DCDC1: variants seen among roughly 807,000 people sequenced by gnomAD.
The protein encoded by DCDC1 is doublecortin domain-containing protein 1.
DCDC1 carries 200 observed loss-of-function variants against 178.3 expected under a neutral mutation model. That is an observed-to-expected ratio of 1.12 (90% CI 1.00 to 1.26). DCDC1 has a LOEUF of 1.26. Ranked by LOEUF, DCDC1 falls within the 50% of genes most tolerant of loss-of-function variation. The pLI, the probability that DCDC1 is intolerant of heterozygous loss-of-function variation, is 0.00. For missense variants in DCDC1, 1,983 were observed against 1,749.2 expected (o/e 1.13, Z -2.38); for synonymous variants, 690 against 604.8 (o/e 1.14, Z -2.07).
chr11:30,930,613 C>T (rs761595032), intron 22 of DCDC1, among the ~76,000 whole-genome samples: 2 of 152,116 alleles, frequency 1.3e-5, no homozygotes, highest in African/African-American at 4.8e-5. Flanking sequence ...CCAAATTTAC[C>T]ATTTCAATCT....
intron 18 of DCDC1, among the ~76,000 whole-genome samples, chr11:31,075,418 T>C (rs955275583): frequency 5.9e-5 from 9 of 152,174 alleles, no homozygotes; most frequent in Non-Finnish European, 1.0e-4. Context: ...AGTAGTGGGA[T>C]TGCCGGATGA....
intron 7 of DCDC1, among the ~76,000 whole-genome samples, chr11:31,272,363 CAT>C (rs1945631810): frequency 6.6e-6 from 1 of 152,140 alleles, no homozygotes; most frequent in South Asian, 2.1e-4. Context: ...TCCCAAATCT[CAT>C]GTCCTCACAT....
At chr11:31,175,746 C>T (rs149555311) in intron 9 of DCDC1, among the ~76,000 whole-genome samples, 24 of 152,284 alleles carry the variant, frequency 1.6e-4, no homozygotes, top group African/African-American at 5.5e-4. Flanking sequence ...TGTGCCACTG[C>T]CATTACAAAC....
At chr11:31,354,939 CT>C (rs1472692657) in intron 1 of DCDC1, among the ~76,000 whole-genome samples, 2 of 149,280 alleles carry the variant, frequency 1.3e-5, no homozygotes, top group Admixed American at 6.7e-5. Flanking sequence ...AACTTTTGAC[CT>C]TTTTTTCCCT....
At chr11:31,177,710 A>T (rs1300517098) in intron 9 of DCDC1, among the ~76,000 whole-genome samples, 1 of 152,200 alleles carries the variant, frequency 6.6e-6, no homozygotes, top group African/African-American at 2.4e-5. Context: ...AAACCAAAGC[A>T]GCAAGAGTAG....
chr11:31,315,265 A>G (rs1949008300), intron 3 of DCDC1, among the ~76,000 whole-genome samples: 1 of 149,288 alleles, frequency 6.7e-6, no homozygotes, highest in South Asian at 2.1e-4. Context: ...CCTCAGCTAT[A>G]ACTACACCAC....
At position 31,244,750 on chromosome 11, in the gene DCDC1, T is replaced by C. The variant is rs76480546; in HGVS notation, c.1055-3134A>G. On this transcript the variant is annotated intron_variant, in intron 8 of 38. Transcript: ENST00000684477. ...ACATCAGTCAAATGGAATCATTTCA[T>C]TGGGATCACTTCCACCCCTGGAAAG... Among the ~76,000 whole-genome samples, 527 of 151,894 alleles carry C rather than the reference T, an allele frequency of 3.5e-3. 2 individuals carry two copies. The highest frequency in any genetic ancestry group is 0.012 in the African/African-American group (485 of 41,530).
At chr11:31,221,661 T>A (rs1974286153) in intron 9 of DCDC1, among the ~76,000 whole-genome samples, 1 of 152,150 alleles carries the variant, frequency 6.6e-6, no homozygotes, top group Admixed American at 6.5e-5. Context: ...CATAACCCCA[T>A]CTCCATTCCT....
intron 22 of DCDC1, among the ~76,000 whole-genome samples, chr11:30,927,354 C>A (rs925246128): frequency 1.3e-5 from 2 of 150,370 alleles, no homozygotes; most frequent in East Asian, 3.9e-4. Flanking sequence ...TCCTTGAGAG[C>A]AAGCAATGCC....
At chr11:30,908,055 G>A (rs904138114) in intron 29 of DCDC1, among the ~76,000 whole-genome samples, 1 of 152,004 alleles carries the variant, frequency 6.6e-6, no homozygotes, top group Non-Finnish European at 1.5e-5. Flanking sequence ...GAAACAAGAG[G>A]GCAACATTAA....
intron 20 of DCDC1, among the ~76,000 whole-genome samples, chr11:30,968,203 G>A (rs181994495): frequency 1.7e-4 from 26 of 152,188 alleles, no homozygotes; most frequent in Admixed American, 5.9e-4. Flanking sequence ...TAGAAAGTAC[G>A]GCAGAGAACT....
chr11:31,193,900 T>C (rs910322193), intron 9 of DCDC1, among the ~76,000 whole-genome samples: 5 of 152,116 alleles, frequency 3.3e-5, no homozygotes, highest in Non-Finnish European at 5.9e-5. Flanking sequence ...AAAGTACTCA[T>C]GTCAATTCTT....
chr11:31,293,514 C>T (rs1591665249), intron 6 of DCDC1, among the ~76,000 whole-genome samples: 1 of 152,258 alleles, frequency 6.6e-6, no homozygotes, highest in African/African-American at 2.4e-5. Flanking sequence ...GCAGGGCCCT[C>T]ACAGAACCCT....
At chr11:31,007,075 G>T (rs1056471069) in intron 20 of DCDC1, among the ~76,000 whole-genome samples, 1 of 152,162 alleles carries the variant, frequency 6.6e-6, no homozygotes, top group Non-Finnish European at 1.5e-5. Flanking sequence ...AACTCAGTAA[G>T]GCTGGAGTCC....
intron 38 of DCDC1, among the ~76,000 whole-genome samples, chr11:30,867,344 AC>A (rs1015286807): frequency 1.3e-5 from 2 of 152,336 alleles, no homozygotes; most frequent in African/African-American, 4.8e-5. Flanking sequence ...AAGATATTTC[AC>A]TTCTTGAAAG....
intron 2 of DCDC1, among the ~76,000 whole-genome samples, chr11:31,334,328 C>T (rs986879163): frequency 2.6e-5 from 4 of 152,194 alleles, no homozygotes; most frequent in African/African-American, 9.7e-5. Flanking sequence ...TTCGAACATC[C>T]TCCTTTAGCT....
intron 6 of DCDC1, 70 bp from the exon 7 acceptor site, chr11:31,290,922 C>A: frequency 7.3e-7 from 1 of 1,371,526 alleles, no homozygotes; most frequent in East Asian, 2.3e-5. Context: ...TCATACTTCC[C>A]TCCCTCTATT....
Position 31,192,445 on chromosome 11 carries a change from C to A in DCDC1, c.1221+49005G>T, listed in dbSNP as rs542110273. Among the ~76,000 whole-genome samples the A allele has an allele frequency of 4.6e-5, 7 of 152,144 alleles. No homozygotes were observed. In the East Asian group the frequency reaches 1.4e-3, roughly 29 times the overall value. ...TATGTCAAGTCAGTATTTAGAAGTC[C>A]CCATATGCACCACTGCTCTACCAGT... On this transcript the variant is annotated intron_variant, in intron 9 of 38. Coordinates refer to ENST00000684477, the MANE Select transcript of DCDC1 (RefSeq NM_001387274.1).
At chr11:30,933,064 T>C (rs113103738) in intron 21 of DCDC1, among the ~76,000 whole-genome samples, 3,108 of 152,188 alleles carry the variant, frequency 0.02, 96 homozygotes, top group African/African-American at 0.07. Context: ...GACCATCCTG[T>C]AAAATATCAC....
Sources: allele counts gnomAD v4.1 joint callset (sites outside exome capture counted in the v4.1 genomes callset), GRCh38; gene constraint gnomAD v4.1.1; transcripts MANE v1.5; gene names NCBI Gene and HGNC (gene_info 2026-07-23, HGNC 2026-07-21).